MDGA2: variants seen among roughly 807,000 people sequenced by gnomAD.
MDGA2 encodes MAM domain containing glycosylphosphatidylinositol anchor 2.
MDGA2 carries 40 observed loss-of-function variants against 117.8 expected under a neutral mutation model. The ratio of observed to expected loss-of-function variants is 0.34; its 90% CI spans 0.26 to 0.44. MDGA2 has a LOEUF of 0.44. Among genes scored for constraint, MDGA2 ranks in the 20% least tolerant of loss-of-function variants. The pLI is 1.00. For synonymous variants in MDGA2, 452 were observed against 439.0 expected (o/e 1.03, Z -0.37); for missense variants, 1,123 against 1,250.6 (o/e 0.90, Z 1.54).
intron 8 of MDGA2, among the ~76,000 whole-genome samples, chr14:46,990,866 CCACACACA>C (rs201132208): frequency 0.12 from 17,520 of 140,760 alleles, 1,099 homozygotes; most frequent in South Asian, 0.27. Flanking sequence ...ACACACACAC[CCACACACA>C]CACACACACA....
chr14:47,044,315 G>A (rs922710181), intron 7 of MDGA2, among the ~76,000 whole-genome samples: 1 of 152,048 alleles, frequency 6.6e-6, no homozygotes, highest in Non-Finnish European at 1.5e-5. Context: ...ACTAGACTTT[G>A]ATTTGGATAC....
chr14:47,351,209 G>A (rs1890873305), intron 1 of MDGA2, among the ~76,000 whole-genome samples: 1 of 151,862 alleles, frequency 6.6e-6, no homozygotes, highest in Non-Finnish European at 1.5e-5. Flanking sequence ...AGCCTCCCGA[G>A]TAGCTGGGAT....
chr14:47,097,749 T>A (rs1476864889), intron 5 of MDGA2, among the ~76,000 whole-genome samples: 1 of 152,010 alleles, frequency 6.6e-6, no homozygotes. Context: ...TGAGCTCCTA[T>A]CAACACAGCT....
chr14:46,920,015 C>T lies in MDGA2; in HGVS notation c.2235G>A (p.Arg745=). ...GGACATCAGTTAGATTTCTCACCTGCCTGATGCCCAACCGGTATGCAACAA... is the reference window on the plus strand; with the variant it reads ...GGACATCAGTTAGATTTCTCACCTGTCTGATGCCCAACCGGTATGCAACAA... ...DRIVAYRLGI[R]QAGQQRWWEQ... is the part of the protein sequence containing the mutation. Residue 745 remains arginine, a synonymous_variant, in exon 10 of 17, where the codon AGG becomes AGA. Coordinates refer to ENST00000399232, the MANE Select transcript of MDGA2 (RefSeq NM_001113498.3). 1.9e-6 allele frequency: 3 copies of T among 1,575,226 alleles called. No individual in the cohort carries two copies. Among genetic ancestry groups the T allele is most frequent in the Non-Finnish European group, 2.6e-6 (3 of 1,164,716 alleles).
chr14:47,051,290 A>G (rs1889449060), intron 7 of MDGA2, among the ~76,000 whole-genome samples: 1 of 151,844 alleles, frequency 6.6e-6, no homozygotes, highest in Non-Finnish European at 1.5e-5. Context: ...AATAATTAAG[A>G]CATGTAGGTT....
chr14:47,383,672 G>A (rs1026420942), intron 1 of MDGA2, among the ~76,000 whole-genome samples: 10 of 152,100 alleles, frequency 6.6e-5, no homozygotes, highest in African/African-American at 1.9e-4. Flanking sequence ...CTGAGTATTT[G>A]AGAGTACAGG....
chr14:46,919,472 A>C (rs1328109185), intron 10 of MDGA2, among the ~76,000 whole-genome samples: 1 of 152,232 alleles, frequency 6.6e-6, no homozygotes, highest in African/African-American at 2.4e-5. Flanking sequence ...TTTTTTCCAC[A>C]TAACCCTTGA....
chr14:47,178,570 C>T (rs192841732), intron 3 of MDGA2, among the ~76,000 whole-genome samples: 1 of 152,096 alleles, frequency 6.6e-6, no homozygotes, highest in East Asian at 1.9e-4. Flanking sequence ...TTCATGTTTA[C>T]CATTTATGTA....
At chr14:47,530,870 G>C (rs1199045578) in intron 1 of MDGA2, among the ~76,000 whole-genome samples, 3 of 152,084 alleles carry the variant, frequency 2.0e-5, no homozygotes, top group Admixed American at 6.5e-5. Context: ...ATTTTTTCTA[G>C]TGTTCACCTT....
At chr14:46,864,551 T>TTTG (rs1566496970) in intron 14 of MDGA2, among the ~76,000 whole-genome samples, 2 of 35,084 alleles carry the variant, frequency 5.7e-5, no homozygotes, top group African/African-American at 3.9e-4. Flanking sequence ...TGCTGTTTTT[T>TTTG]TTTTTTTTTT....
chr14:47,429,645 G>A (rs1892759631), intron 1 of MDGA2, among the ~76,000 whole-genome samples: 1 of 152,044 alleles, frequency 6.6e-6, no homozygotes, highest in Admixed American at 6.6e-5. Flanking sequence ...TCATGCAAAT[G>A]CTTAGTGCCT....
At chr14:46,862,323 T>C (rs1054477101) in intron 14 of MDGA2, among the ~76,000 whole-genome samples, 2 of 151,420 alleles carry the variant, frequency 1.3e-5, no homozygotes, top group Non-Finnish European at 3.0e-5. Context: ...ATGACACAAG[T>C]GCTGTCTTAT....
intron 1 of MDGA2, among the ~76,000 whole-genome samples, chr14:47,650,770 C>T (rs1897625791): frequency 6.6e-6 from 1 of 152,110 alleles, no homozygotes. Flanking sequence ...CATACAAATG[C>T]ACAAAAAAAC....
intron 9 of MDGA2, among the ~76,000 whole-genome samples, chr14:46,951,670 G>T (rs934308257): frequency 2.0e-5 from 3 of 151,576 alleles, no homozygotes; most frequent in East Asian, 1.9e-4. Context: ...ACAACACAAA[G>T]AAATTAATTC....
intron 1 of MDGA2, among the ~76,000 whole-genome samples, chr14:47,396,232 T>C (rs927101553): frequency 2.0e-5 from 3 of 152,208 alleles, no homozygotes; most frequent in Non-Finnish European, 4.4e-5. Context: ...TTCATTATTA[T>C]AGTCACATTT....
At chr14:47,268,227 T>C (rs1158125584) in intron 2 of MDGA2, among the ~76,000 whole-genome samples, 1 of 151,884 alleles carries the variant, frequency 6.6e-6, no homozygotes, top group Non-Finnish European at 1.5e-5. Flanking sequence ...CATGTGCCAC[T>C]GCACCTGGCT....
At chr14:47,291,835 C>T (rs1002782232) in intron 2 of MDGA2, among the ~76,000 whole-genome samples, 2 of 152,182 alleles carry the variant, frequency 1.3e-5, no homozygotes, top group Non-Finnish European at 2.9e-5. Context: ...ATCGTGTAAT[C>T]ATCTCTAGGT....
In MDGA2 at chr14:47,227,160, C is replaced by T. The variant is rs560465307; in HGVS notation, c.421-8965G>A. Among the ~76,000 whole-genome samples, 7 of 152,202 alleles carry T rather than the reference C, an allele frequency of 4.6e-5. No individual in the cohort carries two copies. The East Asian group carries it at 1.4e-3, about 30-fold the overall frequency. On this transcript the variant is annotated intron_variant, in intron 2 of 16. Transcript: ENST00000399232. ...GATTCCCTTAGAGCCCTTTACCCTT[C>T]CTATATGTTACCTCACTAGGACTTT...
intron 1 of MDGA2, among the ~76,000 whole-genome samples, chr14:47,567,199 C>A (rs1418333918): frequency 6.6e-6 from 1 of 152,036 alleles, no homozygotes; most frequent in African/African-American, 2.4e-5. Flanking sequence ...TCATGCCCAG[C>A]CCAATAAAGT....
Sources: gnomAD v4.1 joint callset for allele counts (sites outside exome capture counted in the v4.1 genomes callset) on GRCh38, gnomAD v4.1.1 for gene constraint, MANE v1.5 for transcripts, NCBI Gene and HGNC (gene_info 2026-07-23, HGNC 2026-07-21) for gene names.